The following SOD2 variants were observed in gnomAD, a reference collection of about 807,000 sequenced individuals.
SOD2 encodes superoxide dismutase [Mn], mitochondrial.
In SOD2, 11 loss-of-function variants were observed where a neutral mutation model predicts 27.0. The observed-to-expected ratio is 0.41, with a 90% CI of 0.26 to 0.67. SOD2 has a LOEUF of 0.67. Ranked by LOEUF, SOD2 falls within the 30% of genes least tolerant of loss-of-function variation. The probability of loss-of-function intolerance (pLI) is 0.34; values close to 1 mark genes in which losing one functional copy is unlikely to be tolerated. For synonymous variants in SOD2, 105 were observed against 103.0 expected, an observed-to-expected ratio of 1.02 and a Z score of -0.12; for missense variants, 250 against 274.5, an observed-to-expected ratio of 0.91 and a Z score of 0.63.
rs1779738242 is a variant in SOD2, at chr6:159,674,701, C to G, written c.*7792G>C. 1.3e-5 allele frequency: 2 copies of G among 152,200 alleles called. No individual in the cohort carries two copies. The highest frequency in any genetic ancestry group is 1.5e-5 in the Non-Finnish European group (1 of 68,044). The allele number at this position is 152,200 out of a possible 1,614,324, so 9.4% of individuals were successfully genotyped here. ...AAAACTGGCACAAGACAGGGATGCC[C>G]TCTCTCACCACTCCTATTCAACATA... is the stretch of plus-strand genomic sequence containing the variant. On this transcript the variant is annotated 3_prime_UTR_variant, in exon 5 of 5. Coordinates refer to ENST00000538183, the MANE Select transcript of SOD2 (RefSeq NM_000636.4).
intron 1 of SOD2, among the ~76,000 whole-genome samples, chr6:159,717,547 ATTAT>A (rs1235805738): frequency 6.6e-6 from 1 of 152,186 alleles, no homozygotes; most frequent in East Asian, 1.9e-4. Flanking sequence ...TCAAATATCT[ATTAT>A]TTCTTTGTGC....
chr6:159,693,271 G>A (rs1777326065), upstream of SOD2: 5 of 1,104,096 alleles, frequency 4.5e-6, no homozygotes, highest in Non-Finnish European at 2.6e-6. Context: ...CGGGCCTTAA[G>A]AAAGCGCGGG....
intron 1 of SOD2, chr6:159,741,475 A>G (rs1779251266): frequency 6.6e-6 from 1 of 152,196 alleles, no homozygotes; most frequent in Admixed American, 6.5e-5. Flanking sequence ...CTTTTGTTCT[A>G]AGTGGACAAC....
chr6:159,761,697 T>C (rs916183635), exon 1 of SOD2: 2 of 383,488 alleles, frequency 5.2e-6, no homozygotes, highest in African/African-American at 4.3e-5. Flanking sequence ...AACCCTAAGA[T>C]TTTTTAAAAA....
chr6:159,703,895 A>C (rs1187945148), intron 1 of SOD2, among the ~76,000 whole-genome samples: 1 of 152,254 alleles, frequency 6.6e-6, no homozygotes, highest in Non-Finnish European at 1.5e-5. Context: ...TTCAGTGTTC[A>C]AAATTACTGA....
chr6:159,709,832 G>T (rs917809156), intron 1 of SOD2, among the ~76,000 whole-genome samples: 7 of 152,020 alleles, frequency 4.6e-5, no homozygotes, highest in African/African-American at 1.7e-4. Flanking sequence ...GTTTATTGCG[G>T]CACTACTCAC....
chr6:159,730,464 G>C (rs1260111428), upstream of SOD2, among the ~76,000 whole-genome samples: 1 of 151,974 alleles, frequency 6.6e-6, no homozygotes, highest in Non-Finnish European at 1.5e-5. Flanking sequence ...ATTGCCCTGG[G>C]GAATACCAAA....
At chr6:159,694,179 G>A (rs2114798907), upstream of SOD2, among the ~76,000 whole-genome samples, 1 of 152,286 alleles carries the variant, frequency 6.6e-6, no homozygotes, top group Admixed American at 6.5e-5. Context: ...GACAACAGAG[G>A]ATTCTTTCCT....
At chr6:159,742,163 G>A in intron 1 of SOD2, 1 of 1,585,950 alleles carries the variant, frequency 6.3e-7, no homozygotes, top group Non-Finnish European at 8.6e-7. Flanking sequence ...TTGAGTTTTA[G>A]CTTCCTAAAG....
chr6:159,726,950 T>TGAGCGTCACGAACACA, intron 1 of SOD2: 1 of 1,287,872 alleles, frequency 7.8e-7, no homozygotes. Flanking sequence ...GCATCACGGA[T>TGAGCGTCACGAACACA]GAGCGTCACG....
chr6:159,710,258 A>G (rs1474794059), intron 1 of SOD2, among the ~76,000 whole-genome samples: 2 of 117,384 alleles, frequency 1.7e-5, no homozygotes, highest in Non-Finnish European at 3.5e-5. Flanking sequence ...CCTAGAACTT[A>G]AAGTATAAAT....
intron 1 of SOD2, among the ~76,000 whole-genome samples, chr6:159,710,550 TC>T (rs930122168): frequency 1.3e-5 from 2 of 152,116 alleles, no homozygotes; most frequent in Non-Finnish European, 2.9e-5. Flanking sequence ...TAGACATCCC[TC>T]CCATTCTATT....
In SOD2 at chr6:159,681,361, T is replaced by C. The variant is rs970156746; in HGVS notation, c.*1132A>G. ...ACATCCTTAACACGTGCCCCTGAGC[T>C]ACTTTTCAGAAACCCAGACCCCCAC... is the stretch of plus-strand genomic sequence containing the variant. On this transcript the variant is annotated 3_prime_UTR_variant, in exon 5 of 5. Coordinates refer to ENST00000538183, the MANE Select transcript of SOD2 (RefSeq NM_000636.4). 6.6e-6 allele frequency: 1 copy of C among 152,162 alleles called. No individual in the cohort carries two copies. The highest frequency in any genetic ancestry group is 2.4e-5 in the African/African-American group (1 of 41,402). The allele number at this position is 152,162 out of a possible 1,614,324, so 9.4% of individuals were successfully genotyped here.
At position 159,672,239 on chromosome 6, in the gene SOD2, G is replaced by C. The variant is rs1475065095; in HGVS notation, c.*10254C>G. 6.6e-6 allele frequency: 1 copy of C among 152,092 alleles called. No individual in the cohort carries two copies. The highest frequency in any genetic ancestry group is 6.6e-5 in the Admixed American group (1 of 15,266). 9.4% of individuals were successfully genotyped at this position (152,092 alleles called of 1,614,324 possible). On this transcript the variant is annotated 3_prime_UTR_variant, in exon 5 of 5. Coordinates refer to ENST00000538183, the MANE Select transcript of SOD2 (RefSeq NM_000636.4). ...AACATTCAAATTCAGGAAATACAGA[G>C]AACGCCACAAAGATACTCCTCGAGA... is the stretch of plus-strand genomic sequence containing the variant.
Position 159,682,525 on chromosome 6 carries a change from C to T in SOD2, c.637G>A (p.Val213Ile), listed in dbSNP as rs754654425. ...TTGCAAGCCATGTATCTTTCAGTTA[C>T]ATTCTCCCAGTTGATTACATTCCAA... Reference protein sequence around the residue: ...AIWNVINWENVTERYMACKK With the variant: ...AIWNVINWENITERYMACKK The change falls in exon 5 of 5, where the codon GTA (valine) becomes ATA (isoleucine). Residue 213 changes from valine to isoleucine, a missense_variant. Transcript: ENST00000538183. The T allele has an allele frequency of 1.2e-6, 2 of 1,613,782 alleles. No homozygotes were observed. The highest frequency in any genetic ancestry group is 2.2e-5 in the East Asian group (1 of 44,864).
At chr6:159,728,836 T>A (rs2114860640), upstream of SOD2, among the ~76,000 whole-genome samples, 6 of 152,334 alleles carry the variant, frequency 3.9e-5, 1 homozygote, top group South Asian at 1.2e-3. Context: ...TTAAGGTATC[T>A]TAAGCAGACA....
chr6:159,719,731 C>CTTT (rs371158323), intron 1 of SOD2, among the ~76,000 whole-genome samples: 37,368 of 141,116 alleles, frequency 0.26, 4,992 homozygotes, highest in East Asian at 0.4. Flanking sequence ...CTTTTATTTT[C>CTTT]TTTTTTTTTT....
intron 1 of SOD2, among the ~76,000 whole-genome samples, chr6:159,720,847 C>A (rs979766051): frequency 1.7e-5 from 1 of 59,946 alleles, no homozygotes; most frequent in Non-Finnish European, 2.9e-5. Flanking sequence ...TTTTCTTTAC[C>A]TTTTTTTTTT....
intron 1 of SOD2, chr6:159,753,258 A>G: frequency 1.5e-6 from 1 of 663,456 alleles, no homozygotes; most frequent in Non-Finnish European, 2.5e-6. Context: ...CTTTTTGTTT[A>G]GGGTTTATTT....
Sources: allele counts gnomAD v4.1 joint callset (sites outside exome capture counted in the v4.1 genomes callset), GRCh38; gene constraint gnomAD v4.1.1; transcripts MANE v1.5; gene names NCBI Gene and HGNC (gene_info 2026-07-23, HGNC 2026-07-21).